Variants in TMEM135 observed in about 807,000 individuals in gnomAD.
TMEM135 encodes the protein transmembrane protein 135.
A neutral mutation model predicts 60.3 loss-of-function variants in TMEM135; 30 were observed. The observed-to-expected ratio is 0.50, with a 90% CI of 0.37 to 0.68. TMEM135 has a LOEUF of 0.68. Ranked by LOEUF, TMEM135 falls within the 30% of genes least tolerant of loss-of-function variation. TMEM135 has a pLI of 0.00. For synonymous variants in TMEM135, 190 were observed against 186.7 expected, an observed-to-expected ratio of 1.02 and a Z score of -0.14; for missense variants, 468 against 548.8, an observed-to-expected ratio of 0.85 and a Z score of 1.47.
intron 4 of TMEM135, among the ~76,000 whole-genome samples, chr11:87,141,192 A>G (rs758616427): frequency 6.6e-6 from 1 of 152,114 alleles, no homozygotes; most frequent in Non-Finnish European, 1.5e-5. Context: ...AGGAGATTTG[A>G]TAATATTAAA....
At chr11:87,069,022 G>T (rs1856721601) in intron 2 of TMEM135, among the ~76,000 whole-genome samples, 1 of 150,980 alleles carries the variant, frequency 6.6e-6, no homozygotes, top group African/African-American at 2.4e-5. Context: ...TTTCTATGAC[G>T]GCCGGGCGCG....
At position 87,322,900 on chromosome 11, in the gene TMEM135, G is replaced by A. The variant is rs1322191597; in HGVS notation, c.*1567G>A. On this transcript the variant is annotated 3_prime_UTR_variant, in exon 15 of 15. Transcript: ENST00000305494. ...TGTTTATTTGGCAATGCTGTTAAAG[G>A]ATCATTTCGGTTTCAGACTTCAAAG... is the stretch of plus-strand genomic sequence containing the variant. The A allele has an allele frequency of 4.4e-6, 2 of 454,246 alleles. No homozygotes were observed. The highest frequency in any genetic ancestry group is 4.0e-5 in the African/African-American group (2 of 49,962). 28.1% of individuals were successfully genotyped at this position (454,246 alleles called of 1,614,324 possible). A position where few individuals can be genotyped will look rare whatever the true frequency, so the allele number is the denominator to read the frequency against.
At position 87,305,696 on chromosome 11, in the gene TMEM135, C is replaced by T. The variant is rs1237127059; in HGVS notation, c.699-240C>T. 2.0e-5 allele frequency among the ~76,000 whole-genome samples: 3 copies of T among 152,172 alleles called. 1 individual carries two copies. In the Middle Eastern group the frequency reaches 0.01, roughly 518 times the overall value. On this transcript the variant is annotated intron_variant, in intron 8 of 14. Transcript: ENST00000305494. ...GGCTGAGGCAGGAGAATCGCTTGAACCTGGGAGGCAGAGGTTGCAGTGAGT... is the reference window on the plus strand; with the variant it reads ...GGCTGAGGCAGGAGAATCGCTTGAATCTGGGAGGCAGAGGTTGCAGTGAGT...
chr11:87,157,042 C>G (rs1245307727), intron 4 of TMEM135, among the ~76,000 whole-genome samples: 5 of 149,718 alleles, frequency 3.3e-5, no homozygotes, highest in African/African-American at 1.2e-4. Flanking sequence ...TCTCTAGTTG[C>G]GTTGCATTTC....
chr11:87,069,556 A>T (rs1336706234), intron 2 of TMEM135, among the ~76,000 whole-genome samples: 3 of 152,186 alleles, frequency 2.0e-5, no homozygotes, highest in Non-Finnish European at 2.9e-5. Context: ...ACTCAGAAGT[A>T]AAAGCACATT....
chr11:87,111,586 G>A (rs1237673785), intron 4 of TMEM135, among the ~76,000 whole-genome samples: 3 of 150,162 alleles, frequency 2.0e-5, no homozygotes, highest in Non-Finnish European at 4.4e-5. Flanking sequence ...GGGAGGTGGA[G>A]CTTGCAGTGA....
At chr11:87,178,295 A>G (rs549592520) in intron 5 of TMEM135, among the ~76,000 whole-genome samples, 34 of 152,276 alleles carry the variant, frequency 2.2e-4, no homozygotes, top group African/African-American at 7.7e-4. Flanking sequence ...AGGGTTTTTG[A>G]AGCCCTGTGC....
At chr11:87,092,917 G>C (rs538640457) in intron 4 of TMEM135, among the ~76,000 whole-genome samples, 15 of 98,998 alleles carry the variant, frequency 1.5e-4, no homozygotes, top group Admixed American at 1.3e-3. Flanking sequence ...GGTTTACTAG[G>C]ATATAGATTT....
chr11:87,045,545 G>A (rs1329572951), intron 1 of TMEM135, among the ~76,000 whole-genome samples: 1 of 152,178 alleles, frequency 6.6e-6, no homozygotes, highest in East Asian at 1.9e-4. Context: ...ATAGATGAGG[G>A]ATAAAAATAC....
chr11:87,300,433 G>A (rs1265687188), intron 7 of TMEM135, among the ~76,000 whole-genome samples: 1 of 152,202 alleles, frequency 6.6e-6, no homozygotes. Context: ...TAGTGTTTAA[G>A]AAGCCAAACT....
chr11:87,055,673 C>T lies in TMEM135; in HGVS notation c.142-12021C>T, dbSNP rs376589377. On this transcript the variant is annotated intron_variant, in intron 1 of 14. Transcript: ENST00000305494. ...TAGCACGATCTCGGCTCACGCCAAC[C>T]TCCGCCTCCTAGGTTCAAGTGAGTC... is the stretch of plus-strand genomic sequence containing the variant. 3.6e-3 allele frequency among the ~76,000 whole-genome samples: 548 copies of T among 152,170 alleles called. 8 individuals are homozygous for T. Among genetic ancestry groups the T allele is most frequent in the African/African-American group, 0.012 (519 of 41,528 alleles).
intron 6 of TMEM135, among the ~76,000 whole-genome samples, chr11:87,264,688 CTGTA>C (rs1941717417): frequency 6.6e-6 from 1 of 151,858 alleles, no homozygotes; most frequent in African/African-American, 2.4e-5. Flanking sequence ...CTTAAGCTCA[CTGTA>C]TATAGTCAGT....
chr11:87,219,331 A>G (rs1001736287), intron 5 of TMEM135, among the ~76,000 whole-genome samples: 2 of 152,168 alleles, frequency 1.3e-5, no homozygotes, highest in Non-Finnish European at 1.5e-5. Flanking sequence ...AAAGTTCTGG[A>G]GGCTACAAGT....
chr11:87,078,562 A>T, intron 3 of TMEM135, among the ~76,000 whole-genome samples: 1 of 152,204 alleles, frequency 6.6e-6, no homozygotes, highest in Admixed American at 6.5e-5. Context: ...GAAGCAGAAA[A>T]GTTTTTAATT....
At chr11:87,206,050 G>A (rs149284802) in intron 5 of TMEM135, among the ~76,000 whole-genome samples, 7 of 152,116 alleles carry the variant, frequency 4.6e-5, no homozygotes, top group African/African-American at 1.4e-4. Flanking sequence ...CTGCGCTAGT[G>A]GTTGTGAACT....
intron 2 of TMEM135, among the ~76,000 whole-genome samples, chr11:87,070,005 G>GT (rs1294694250): frequency 1.8e-4 from 26 of 143,188 alleles, no homozygotes; most frequent in African/African-American, 6.5e-4. Flanking sequence ...GACTCTGCCT[G>GT]TTAAAAAAAA....
At chr11:87,315,163 C>G (rs1245559317) in intron 12 of TMEM135, among the ~76,000 whole-genome samples, 1 of 151,702 alleles carries the variant, frequency 6.6e-6, no homozygotes, top group Non-Finnish European at 1.5e-5. Context: ...TCCTCCTCCT[C>G]CTCCTCTTCC....
At chr11:87,106,688 T>G (rs1214372184) in intron 4 of TMEM135, among the ~76,000 whole-genome samples, 5 of 152,192 alleles carry the variant, frequency 3.3e-5, no homozygotes, top group Non-Finnish European at 7.3e-5. Context: ...TGGATTTTCT[T>G]TGATGGGAAA....
intron 5 of TMEM135, among the ~76,000 whole-genome samples, chr11:87,231,211 C>G (rs1424876478): frequency 1.3e-5 from 2 of 152,064 alleles, no homozygotes; most frequent in Non-Finnish European, 2.9e-5. Flanking sequence ...GTTCACAGAA[C>G]AGGGGACTAG....
Sources: gnomAD v4.1 joint callset for allele counts (sites outside exome capture counted in the v4.1 genomes callset) on GRCh38, gnomAD v4.1.1 for gene constraint, MANE v1.5 for transcripts, NCBI Gene and HGNC (gene_info 2026-07-23, HGNC 2026-07-21) for gene names.